Variants in CNTN4 observed in about 807,000 individuals in gnomAD.
CNTN4 encodes contactin 4.
In CNTN4, 77 loss-of-function variants were observed where a neutral mutation model predicts 122.5. That is an observed-to-expected ratio of 0.63 (90% CI 0.52 to 0.76). The LOEUF (loss-of-function observed/expected upper bound fraction) is 0.76. CNTN4 is among the 30% of genes least tolerant of loss of function. CNTN4 has a pLI of 0.00. For missense variants in CNTN4, 1,256 were observed against 1,259.1 expected, an observed-to-expected ratio of 1.00 and a Z score of 0.04; for synonymous variants, 512 against 447.0, an observed-to-expected ratio of 1.15 and a Z score of -1.83.
At chr3:2,840,702 A>T (rs950653602) in intron 7 of CNTN4, among the ~76,000 whole-genome samples, 4 of 151,580 alleles carry the variant, frequency 2.6e-5, no homozygotes, top group African/African-American at 9.7e-5. Context: ...CCGTCTCCAA[A>T]AAATAAAAAA....
intron 2 of CNTN4, among the ~76,000 whole-genome samples, chr3:2,325,792 A>T (rs781258480): frequency 6.6e-6 from 1 of 152,238 alleles, no homozygotes; most frequent in Non-Finnish European, 1.5e-5. Context: ...TTTATATTTC[A>T]TTATGTATAT....
intron 5 of CNTN4, among the ~76,000 whole-genome samples, chr3:2,741,543 C>T (rs537244668): frequency 6.6e-6 from 1 of 152,314 alleles, no homozygotes; most frequent in Admixed American, 6.5e-5. Flanking sequence ...GTAAACCAAG[C>T]ACTTGTCTTG....
chr3:2,916,492 CAT>C (rs994774385), intron 12 of CNTN4, among the ~76,000 whole-genome samples: 3 of 148,096 alleles, frequency 2.0e-5, no homozygotes, highest in Non-Finnish European at 4.5e-5. Flanking sequence ...GGACACAACA[CAT>C]GTTTCAGAGA....
intron 14 of CNTN4, among the ~76,000 whole-genome samples, chr3:3,015,883 C>A (rs1559791981): frequency 6.6e-6 from 1 of 152,168 alleles, no homozygotes. Flanking sequence ...CCAGCAGATG[C>A]AATCACACAT....
intron 4 of CNTN4, among the ~76,000 whole-genome samples, chr3:2,710,422 C>T (rs967320258): frequency 3.3e-5 from 5 of 152,122 alleles, no homozygotes; most frequent in African/African-American, 1.2e-4. Context: ...ACAGCTGCAC[C>T]CAGAATTTCT....
intron 10 of CNTN4, among the ~76,000 whole-genome samples, chr3:2,890,047 G>C (rs1453691555): frequency 6.6e-6 from 1 of 152,208 alleles, no homozygotes; most frequent in Non-Finnish European, 1.5e-5. Context: ...AAATTTGCCT[G>C]CTTTCTGAAG....
chr3:2,726,536 T>C (rs2088236165), intron 4 of CNTN4, among the ~76,000 whole-genome samples: 1 of 152,154 alleles, frequency 6.6e-6, no homozygotes, highest in South Asian at 2.1e-4. Flanking sequence ...TACTACATAG[T>C]TATGCCAGTA....
At chr3:2,804,737 C>CTTTAGTTTTTTTTTTTTTTTTTTTTTTTT (rs1553643947) in intron 6 of CNTN4, among the ~76,000 whole-genome samples, 1 of 144,880 alleles carries the variant, frequency 6.9e-6, no homozygotes, top group African/African-American at 2.6e-5. Flanking sequence ...ATTTTGAGCA[C>CTTTAGTTTTTTTTTTTTTTTTTTTTTTTT]TTTTTTTTTG....
chr3:2,969,454 T>C (rs561535326), intron 13 of CNTN4, among the ~76,000 whole-genome samples: 9 of 152,264 alleles, frequency 5.9e-5, no homozygotes, highest in Non-Finnish European at 1.2e-4. Flanking sequence ...AGAATGGTGT[T>C]ACAGCCACCC....
Position 2,941,223 on chromosome 3 carries a change from G to A in CNTN4, c.1358+15444G>A, listed in dbSNP as rs1242896097. On this transcript the variant is annotated intron_variant, in intron 13 of 24. Transcript: ENST00000418658. ...TCTCCCTTTTCTTACTGTTCCTATT[G>A]GATTGTTCCTTCCAGCACATCTGCA... Among the ~76,000 whole-genome samples, 2 of 151,856 alleles carry A rather than the reference G, an allele frequency of 1.3e-5. 1 individual carries two copies. Among genetic ancestry groups the A allele is most frequent in the Non-Finnish European group, 2.9e-5 (2 of 67,984 alleles).
intron 2 of CNTN4, among the ~76,000 whole-genome samples, chr3:2,195,792 A>G (rs1221320441): frequency 1.3e-5 from 2 of 152,230 alleles, no homozygotes; most frequent in African/African-American, 2.4e-5. Flanking sequence ...AAGAGAAAAT[A>G]TTCCGTGACA....
intron 2 of CNTN4, among the ~76,000 whole-genome samples, chr3:2,133,298 C>A (rs2034535654): frequency 6.6e-6 from 1 of 152,148 alleles, no homozygotes; most frequent in Non-Finnish European, 1.5e-5. Context: ...TTCTTAAAGT[C>A]TCTTTTCCCA....
intron 2 of CNTN4, among the ~76,000 whole-genome samples, chr3:2,113,767 T>G (rs188039220): frequency 2.0e-5 from 3 of 152,276 alleles, no homozygotes; most frequent in African/African-American, 7.2e-5. Context: ...GCTTTGAAAA[T>G]CACTGGAGGG....
chr3:2,247,807 G>A (rs1348088108), intron 2 of CNTN4, among the ~76,000 whole-genome samples: 2 of 151,934 alleles, frequency 1.3e-5, no homozygotes, highest in Non-Finnish European at 2.9e-5. Flanking sequence ...GTACTTAGAA[G>A]TTATGATAAT....
chr3:3,047,546 G>C (rs13061392), intron 23 of CNTN4, among the ~76,000 whole-genome samples: 1 of 143,632 alleles, frequency 7.0e-6, no homozygotes, highest in African/African-American at 2.6e-5. Flanking sequence ...ATAACGAAAT[G>C]AAGGCAGAAA....
intron 3 of CNTN4, among the ~76,000 whole-genome samples, chr3:2,549,155 A>G (rs1223872934): frequency 6.6e-6 from 1 of 152,186 alleles, no homozygotes; most frequent in Non-Finnish European, 1.5e-5. Context: ...AACAGAGACA[A>G]TTTGACTTCC....
At chr3:2,847,292 G>A (rs1240613187) in intron 7 of CNTN4, among the ~76,000 whole-genome samples, 2 of 151,942 alleles carry the variant, frequency 1.3e-5, no homozygotes, top group Non-Finnish European at 2.9e-5. Flanking sequence ...GCTAAAGACT[G>A]AGATCACCCC....
chr3:2,576,348 T>C (rs1576064550), intron 4 of CNTN4, among the ~76,000 whole-genome samples: 2 of 152,324 alleles, frequency 1.3e-5, no homozygotes, highest in African/African-American at 2.4e-5. Context: ...CAAGCTGTGC[T>C]ATAGACCCCG....
At chr3:2,762,025 A>G (rs530958682) in intron 6 of CNTN4, among the ~76,000 whole-genome samples, 37 of 152,298 alleles carry the variant, frequency 2.4e-4, no homozygotes, top group African/African-American at 8.7e-4. Flanking sequence ...CGTTGGACAC[A>G]GGGAATGCAT....
Sources: allele counts gnomAD v4.1 joint callset (sites outside exome capture counted in the v4.1 genomes callset), GRCh38; gene constraint gnomAD v4.1.1; transcripts MANE v1.5; gene names NCBI Gene and HGNC (gene_info 2026-07-23, HGNC 2026-07-21).